Variants in MYO5B observed in about 807,000 individuals in gnomAD.
MYO5B encodes unconventional myosin-Vb.
MYO5B carries 143 observed loss-of-function variants against 229.3 expected under a neutral mutation model. The observed-to-expected ratio is 0.62, with a 90% CI of 0.54 to 0.72. The LOEUF (loss-of-function observed/expected upper bound fraction) is 0.72. MYO5B is among the 30% of genes least tolerant of loss of function. The probability of loss-of-function intolerance (pLI) is 0.00; values close to 1 mark genes in which losing one functional copy is unlikely to be tolerated. For missense variants in MYO5B, 2,321 were observed against 2,331.0 expected, an observed-to-expected ratio of 1.00 and a Z score of 0.09; for synonymous variants, 918 against 885.2, an observed-to-expected ratio of 1.04 and a Z score of -0.66.
At position 49,847,352 on chromosome 18, in the gene MYO5B, G is replaced by A. The variant is rs566797571; in HGVS notation, c.4316-63C>T. On this transcript the variant is annotated intron_variant, in intron 32 of 39. Coordinates refer to ENST00000285039, the MANE Select transcript of MYO5B (RefSeq NM_001080467.3). ...TCCAGCTGCAGGCCTGAGGGTAGCGGGCATCTCTGGCGGGTGGAGGATGGG... is the reference window on the plus strand; with the variant it reads ...TCCAGCTGCAGGCCTGAGGGTAGCGAGCATCTCTGGCGGGTGGAGGATGGG... The A allele has an allele frequency of 9.5e-6, 15 of 1,574,356 alleles. No homozygotes were observed. In the South Asian group the frequency reaches 1.5e-4, roughly 16 times the overall value.
At chr18:50,075,530 G>A (rs1568096653) in intron 1 of MYO5B, among the ~76,000 whole-genome samples, 1 of 152,270 alleles carries the variant, frequency 6.6e-6, no homozygotes, top group South Asian at 2.1e-4. Context: ...ACTGGGGACT[G>A]CAGCCCATAG....
At chr18:49,981,578 T>C (rs2025815263) in intron 8 of MYO5B, among the ~76,000 whole-genome samples, 1 of 152,222 alleles carries the variant, frequency 6.6e-6, no homozygotes, top group Non-Finnish European at 1.5e-5. Context: ...TTTCAAAACA[T>C]ACAAAGTAAA....
At chr18:50,008,877 T>C (rs1598949413) in intron 4 of MYO5B, among the ~76,000 whole-genome samples, 1 of 152,190 alleles carries the variant, frequency 6.6e-6, no homozygotes, top group Admixed American at 6.5e-5. Flanking sequence ...GCTCTAATCA[T>C]ATAGTCAACA....
At chr18:50,180,185 G>C (rs1246767322) in intron 1 of MYO5B, among the ~76,000 whole-genome samples, 2 of 152,180 alleles carry the variant, frequency 1.3e-5, no homozygotes, top group Admixed American at 1.3e-4. Context: ...AACCTGAGGA[G>C]CTGGAGCCAG....
At chr18:49,920,003 G>T (rs1195484824) in intron 17 of MYO5B, among the ~76,000 whole-genome samples, 1 of 152,184 alleles carries the variant, frequency 6.6e-6, no homozygotes, top group African/African-American at 2.4e-5. Flanking sequence ...AACTACTGAC[G>T]GTTGCTGCGC....
chr18:50,054,078 C>T (rs1164788060), intron 2 of MYO5B, among the ~76,000 whole-genome samples: 1 of 152,234 alleles, frequency 6.6e-6, no homozygotes, highest in Non-Finnish European at 1.5e-5. Context: ...CAGTCCTCTT[C>T]CCCGACAGCT....
intron 32 of MYO5B, 75 bp from the exon 33 acceptor site, chr18:49,847,364 G>T: frequency 6.4e-7 from 1 of 1,553,318 alleles, no homozygotes; most frequent in South Asian, 1.2e-5. Flanking sequence ...CATCTCTGGC[G>T]GGTGGAGGAT....
rs776043385 is a variant in MYO5B at position 49,826,552 on chromosome 18, A to C, written c.5466T>G (p.Phe1822Leu). 10 of 1,613,978 alleles carry C rather than the reference A, an allele frequency of 6.2e-6. No individual in the cohort carries two copies. In the Admixed American group the frequency reaches 1.5e-4, roughly 24 times the overall value. Residue 1822 changes from phenylalanine to leucine, a missense_variant, in exon 40 of 40, where the codon TTT becomes TTG. This residue lies in a region of MYO5B where 208 missense variants were observed against 286.3 expected (regional missense o/e 0.73). Coordinates refer to ENST00000285039, the MANE Select transcript of MYO5B (RefSeq NM_001080467.3). ...TGGTTAGAGAAGATGGATTAAATGG[A>C]AACAAAACAGGAAACATGTGCTTGG... Reference protein sequence around the residue: ...LDAKHMFPVLFPFNPSSLTMD... With the variant: ...LDAKHMFPVLLPFNPSSLTMD...
intron 17 of MYO5B, among the ~76,000 whole-genome samples, chr18:49,925,722 G>A (rs2025121885): frequency 6.6e-6 from 1 of 152,234 alleles, no homozygotes; most frequent in Non-Finnish European, 1.5e-5. Flanking sequence ...GCCCGTGGAA[G>A]ATGGTTTGAA....
intron 25 of MYO5B, 23 bp from the exon 26 acceptor site, chr18:49,875,850 A>C: frequency 6.2e-7 from 1 of 1,613,666 alleles, no homozygotes; most frequent in Non-Finnish European, 8.5e-7. Context: ...ACAGGCACAG[A>C]AAAAAGGTTT....
intron 17 of MYO5B, among the ~76,000 whole-genome samples, chr18:49,929,245 C>T (rs986668514): frequency 2.0e-5 from 3 of 152,208 alleles, no homozygotes; most frequent in Admixed American, 1.3e-4. Flanking sequence ...CTCTAGCTAG[C>T]TCATCACTTA....
chr18:50,002,153 A>T (rs191576788), intron 4 of MYO5B, among the ~76,000 whole-genome samples: 1 of 152,204 alleles, frequency 6.6e-6, no homozygotes, highest in East Asian at 1.9e-4. Context: ...AAAAACATGG[A>T]TCTTTTCTTC....
chr18:49,886,394 A>C (rs1205222456), intron 22 of MYO5B, among the ~76,000 whole-genome samples: 1 of 152,172 alleles, frequency 6.6e-6, no homozygotes, highest in Non-Finnish European at 1.5e-5. Flanking sequence ...GCATGTTTTC[A>C]AAAGTTGTCC....
rs188718731 is a variant in MYO5B, at chr18:49,931,419, C to T, written c.2004-1821G>A. On this transcript the variant is annotated intron_variant, in intron 16 of 39. Coordinates refer to ENST00000285039, the MANE Select transcript of MYO5B (RefSeq NM_001080467.3). ...TCTCCATAAAATCTTCCCGACTCCT[C>T]CAGCTCCAACAGCCCACGGCACTGA... is the stretch of plus-strand genomic sequence containing the variant. Among the ~76,000 whole-genome samples the T allele has an allele frequency of 6.6e-4, 100 of 152,346 alleles. 1 individual carries two copies. In the East Asian group the frequency reaches 0.016, roughly 25 times the overall value.
At chr18:49,908,132 C>T (rs147385168) in intron 18 of MYO5B, among the ~76,000 whole-genome samples, 162 of 152,302 alleles carry the variant, frequency 1.1e-3, no homozygotes, top group Admixed American at 1.3e-3. Context: ...ACAGTACCTG[C>T]GCTTCATTCC....
intron 1 of MYO5B, among the ~76,000 whole-genome samples, chr18:50,167,512 G>C (rs1245232221): frequency 6.6e-6 from 1 of 152,134 alleles, no homozygotes; most frequent in African/African-American, 2.4e-5. Flanking sequence ...CCAACCTCTA[G>C]AAACTCAATT....
intron 1 of MYO5B, among the ~76,000 whole-genome samples, chr18:50,083,908 ACAT>A (rs2031272943): frequency 6.6e-6 from 1 of 152,196 alleles, no homozygotes; most frequent in Admixed American, 6.5e-5. Context: ...ACAGAAGATT[ACAT>A]CATCATTCAC....
chr18:50,085,776 G>A (rs1327193368), intron 1 of MYO5B, among the ~76,000 whole-genome samples: 1 of 152,138 alleles, frequency 6.6e-6, no homozygotes, highest in Non-Finnish European at 1.5e-5. Flanking sequence ...GGACATGGAT[G>A]AAACTGGAAA....
chr18:49,899,708 A>C (rs988368531), intron 21 of MYO5B, among the ~76,000 whole-genome samples: 1 of 152,200 alleles, frequency 6.6e-6, no homozygotes, highest in Non-Finnish European at 1.5e-5. Flanking sequence ...TTTATCTCCT[A>C]GGGTTCTGGT....
Sources: gnomAD v4.1 joint callset for allele counts (sites outside exome capture counted in the v4.1 genomes callset) on GRCh38, gnomAD v4.1.1 for gene constraint, gnomAD v4.1.1 regional missense constraint, MANE v1.5 for transcripts, NCBI Gene and HGNC (gene_info 2026-07-23, HGNC 2026-07-21) for gene names.